TMPRSS11B: variants seen among roughly 807,000 people sequenced by gnomAD.
TMPRSS11B encodes the protein transmembrane protease serine 11B.
In TMPRSS11B, 53 loss-of-function variants were observed where a neutral mutation model predicts 44.7. That is an observed-to-expected ratio of 1.19 (90% confidence interval 0.95 to 1.49). The LOEUF is 1.49. TMPRSS11B is among the 40% of genes most tolerant of loss of function. The pLI is 0.00. For missense variants in TMPRSS11B, 526 were observed against 494.8 expected, an observed-to-expected ratio of 1.06 and a Z score of -0.60; for synonymous variants, 140 against 159.2, an observed-to-expected ratio of 0.88 and a Z score of 0.91.
chr4:68,237,842 C>A (rs1719717479), intron 2 of TMPRSS11B, among the ~76,000 whole-genome samples: 1 of 152,030 alleles, frequency 6.6e-6, no homozygotes, highest in South Asian at 2.1e-4. Context: ...ATAGTGAGAG[C>A]CTGTCTCTAC....
chr4:68,231,701 A>G, intron 6 of TMPRSS11B: 1 of 224,588 alleles, frequency 4.5e-6, no homozygotes, highest in Non-Finnish European at 8.7e-6. Flanking sequence ...TGCATAGTAT[A>G]TGCACTGCTG....
chr4:68,228,914 A>G (rs754185905), intron 8 of TMPRSS11B, 30 bp from the exon 9 acceptor site: 25 of 1,602,370 alleles, frequency 1.6e-5, no homozygotes, highest in Non-Finnish European at 2.1e-5. Flanking sequence ...CATATTATGC[A>G]GATCTTAGAC....
At chr4:68,228,464 A>C (rs370931940) in intron 9 of TMPRSS11B, among the ~76,000 whole-genome samples, 2 of 152,214 alleles carry the variant, frequency 1.3e-5, no homozygotes. Flanking sequence ...CAGGTTGCCC[A>C]GAAAATAGGA....
chr4:68,227,116 A>G lies in TMPRSS11B; in HGVS notation c.*795T>C, dbSNP rs750632114. ...AGCTCTGATACTCCTTCTTCACTGC[A>G]AGATTGCATGATTTTGTGAGGTACA... On this transcript the variant is annotated 3_prime_UTR_variant, in exon 10 of 10. Transcript: ENST00000332644. The G allele has an allele frequency of 6.6e-6, 1 of 152,192 alleles. No homozygotes were observed. The highest frequency in any genetic ancestry group is 1.5e-5 in the Non-Finnish European group (1 of 68,034). 9.4% of individuals were successfully genotyped at this position (152,192 alleles called of 1,614,324 possible). A position where few individuals can be genotyped will look rare whatever the true frequency, so the allele number is the denominator to read the frequency against.
rs184746550 is a variant in TMPRSS11B, at chr4:68,236,955, A to G, written c.125-689T>C. 5.3e-3 allele frequency among the ~76,000 whole-genome samples: 700 copies of G among 131,816 alleles called. 4 individuals are homozygous for G. The highest frequency in any genetic ancestry group is 8.5e-3 in the Non-Finnish European group (515 of 60,280). The allele number at this position is 131,816 out of a possible 152,430, so 86.5% of individuals were successfully genotyped here. ...TATTATTATTATTATTATTATTATTATACTTTAACTTCTGGGATACACGTG... is the reference window on the plus strand; with the variant it reads ...TATTATTATTATTATTATTATTATTGTACTTTAACTTCTGGGATACACGTG... On this transcript the variant is annotated intron_variant, in intron 2 of 9. Transcript: ENST00000332644.
chr4:68,241,844 C>T, intron 1 of TMPRSS11B, 40 bp from the exon 2 acceptor site: 1 of 1,156,352 alleles, frequency 8.6e-7, no homozygotes, highest in Middle Eastern at 1.9e-4. Flanking sequence ...CAGATAATAA[C>T]AATCAAAATC....
intron 2 of TMPRSS11B, among the ~76,000 whole-genome samples, chr4:68,237,896 A>G (rs1162727331): frequency 6.6e-6 from 1 of 152,148 alleles, no homozygotes; most frequent in Non-Finnish European, 1.5e-5. Context: ...ACGTGCCTGT[A>G]GTCCCAGCTA....
At chr4:68,231,431 AT>A in intron 6 of TMPRSS11B, 51 bp from the exon 7 acceptor site, 8 of 1,326,650 alleles carry the variant, frequency 6.0e-6, no homozygotes, top group Non-Finnish European at 6.8e-6. Context: ...ATTACGCATT[AT>A]AAAAAAATAT....
chr4:68,236,004 A>G lies in TMPRSS11B; in HGVS notation c.306T>C (p.Leu102=), dbSNP rs754131726. 1 of 1,555,252 alleles carries G rather than the reference A, an allele frequency of 6.4e-7. No homozygotes were observed. Among genetic ancestry groups the G allele is most frequent in the African/African-American group, 1.4e-5 (1 of 72,944 alleles). ...KEYVKSEVIK[L]LPNANGSNVQ... is the part of the protein sequence containing the mutation. ...ATCTTAAATGAACTTGTACTTACAGAAGTTTGATGACCTCAGATTTGACAT... is the reference window on the plus strand; with the variant it reads ...ATCTTAAATGAACTTGTACTTACAGGAGTTTGATGACCTCAGATTTGACAT... The change falls in exon 4 of 10, where the codon CTT becomes CTC. Residue 102 remains leucine, a splice_region_variant and synonymous_variant. Transcript: ENST00000332644.
intron 1 of TMPRSS11B, 130 bp downstream of exon 1, chr4:68,245,421 G>T (rs544880094): frequency 1.7e-4 from 165 of 981,590 alleles, no homozygotes; most frequent in Admixed American, 5.3e-4. Flanking sequence ...AGACAATAGA[G>T]TGTTTCTTAA....
chr4:68,245,593 C>T lies in TMPRSS11B; in HGVS notation c.-35G>A, dbSNP rs777083044. 227 of 1,611,006 alleles carry T rather than the reference C, an allele frequency of 1.4e-4. 1 individual carries two copies. Among genetic ancestry groups the T allele is most frequent in the East Asian group, 3.3e-4 (15 of 44,838 alleles). On this transcript the variant is annotated 5_prime_UTR_variant, in exon 1 of 10. Coordinates refer to ENST00000332644, the MANE Select transcript of TMPRSS11B (RefSeq NM_182502.3). ...ATTGTTATGGCAGTATCAGGTATAACGGTGGTAATGATGATGACGAAGATA... is the reference window on the plus strand; with the variant it reads ...ATTGTTATGGCAGTATCAGGTATAATGGTGGTAATGATGATGACGAAGATA...
intron 7 of TMPRSS11B, among the ~76,000 whole-genome samples, 167 bp downstream of exon 7, chr4:68,231,036 G>A (rs1018533354): frequency 0.012 from 3 of 254 alleles, no homozygotes; most frequent in African/African-American, 0.041. Context: ...TAATTTAAAT[G>A]CATTTCCTTT....
At chr4:68,242,371 ATAT>A (rs1311978930) in intron 1 of TMPRSS11B, among the ~76,000 whole-genome samples, 7 of 53,500 alleles carry the variant, frequency 1.3e-4, no homozygotes, top group African/African-American at 5.0e-4. Context: ...ATTATATATA[ATAT>A]TATATATATA....
chr4:68,241,867 C>G, intron 1 of TMPRSS11B, 63 bp from the exon 2 acceptor site: 1 of 919,242 alleles, frequency 1.1e-6, no homozygotes, highest in Non-Finnish European at 1.8e-6. Flanking sequence ...CCTGCCTCTC[C>G]TTCAACTCAT....
chr4:68,244,518 C>T (rs1719948103), intron 1 of TMPRSS11B, among the ~76,000 whole-genome samples: 1 of 152,188 alleles, frequency 6.6e-6, no homozygotes, highest in Non-Finnish European at 1.5e-5. Flanking sequence ...CACAGCTACT[C>T]AGGAGGCTGA....
At chr4:68,230,611 C>T (rs1286609067) in intron 7 of TMPRSS11B, among the ~76,000 whole-genome samples, 2 of 152,052 alleles carry the variant, frequency 1.3e-5, no homozygotes, top group African/African-American at 4.8e-5. Context: ...CGAGACCAGC[C>T]TGACTAACAT....
At chr4:68,239,696 C>T (rs1215846173) in intron 2 of TMPRSS11B, among the ~76,000 whole-genome samples, 2 of 152,090 alleles carry the variant, frequency 1.3e-5, no homozygotes, top group Non-Finnish European at 2.9e-5. Context: ...ATTTTATTAC[C>T]TCTCTAAAAC....
intron 1 of TMPRSS11B, among the ~76,000 whole-genome samples, chr4:68,242,528 A>C (rs1176392378): frequency 6.9e-6 from 1 of 145,734 alleles, no homozygotes; most frequent in African/African-American, 2.6e-5. Context: ...GTTTACTTTT[A>C]ACTGCATTTT....
intron 2 of TMPRSS11B, among the ~76,000 whole-genome samples, chr4:68,240,559 T>C (rs1486255846): frequency 6.6e-6 from 1 of 152,162 alleles, no homozygotes; most frequent in African/African-American, 2.4e-5. Context: ...AGATGCAAAC[T>C]GTATGTTGAA....
Sources: allele counts gnomAD v4.1 joint callset (sites outside exome capture counted in the v4.1 genomes callset), GRCh38; gene constraint gnomAD v4.1.1; transcripts MANE v1.5; gene names NCBI Gene and HGNC (gene_info 2026-07-23, HGNC 2026-07-21).